CTNND2: variants seen among roughly 807,000 people sequenced by gnomAD.
The protein encoded by CTNND2 is catenin delta-2.
Under a neutral mutation model 144.4 loss-of-function variants are expected in CTNND2, and 22 were observed. The ratio of observed to expected loss-of-function variants is 0.15; its 90% CI spans 0.11 to 0.22. The LOEUF (loss-of-function observed/expected upper bound fraction) is 0.22. CTNND2 is among the 10% of genes least tolerant of loss of function. The pLI is 1.00. For missense variants in CTNND2, 1,353 were observed against 1,618.8 expected, an observed-to-expected ratio of 0.84 and a Z score of 2.82; for synonymous variants, 751 against 695.6, an observed-to-expected ratio of 1.08 and a Z score of -1.25.
At chr5:11,037,321 T>C (rs1295280992) in intron 16 of CTNND2, among the ~76,000 whole-genome samples, 1 of 152,194 alleles carries the variant, frequency 6.6e-6, no homozygotes, top group Non-Finnish European at 1.5e-5. Flanking sequence ...CACACGATCC[T>C]AAATACCCCT....
chr5:11,295,468 A>G (rs113781390), intron 9 of CTNND2, among the ~76,000 whole-genome samples: 1 of 152,174 alleles, frequency 6.6e-6, no homozygotes, highest in East Asian at 1.9e-4. Flanking sequence ...TCTTCACAGA[A>G]TTGGAAAAAA....
intron 2 of CTNND2, among the ~76,000 whole-genome samples, chr5:11,566,970 G>C (rs138572998): frequency 2.6e-5 from 4 of 152,238 alleles, no homozygotes; most frequent in Non-Finnish European, 4.4e-5. Flanking sequence ...TTATGGTGCA[G>C]TTCTTTGGGT....
intron 9 of CTNND2, among the ~76,000 whole-genome samples, chr5:11,254,705 T>G (rs542367031): frequency 2.4e-4 from 37 of 152,354 alleles, no homozygotes; most frequent in African/African-American, 7.7e-4. Context: ...TCAAGAAGTA[T>G]GAAATGTATA....
chr5:11,261,897 T>C (rs1236867884), intron 9 of CTNND2, among the ~76,000 whole-genome samples: 1 of 152,240 alleles, frequency 6.6e-6, no homozygotes, highest in African/African-American at 2.4e-5. Context: ...CAATGACTAC[T>C]CAGCCCAGTG....
chr5:11,714,782 G>GCA (rs1786257651), intron 2 of CTNND2, among the ~76,000 whole-genome samples: 1 of 151,840 alleles, frequency 6.6e-6, no homozygotes, highest in Non-Finnish European at 1.5e-5. Context: ...GGTGGCAGGT[G>GCA]CCTGTAGTCC....
chr5:11,771,304 A>G (rs1789920957), intron 1 of CTNND2, among the ~76,000 whole-genome samples: 1 of 139,342 alleles, frequency 7.2e-6, no homozygotes. Flanking sequence ...TTGTATTTTT[A>G]GCAGAGGCGG....
chr5:11,509,305 G>A (rs1246857682), intron 3 of CTNND2, among the ~76,000 whole-genome samples: 1 of 152,158 alleles, frequency 6.6e-6, no homozygotes, highest in Admixed American at 6.5e-5. Flanking sequence ...CTTATAAAAG[G>A]TGCCTATAAA....
Position 11,250,491 on chromosome 5 carries a change from C to CTATATATATA in CTNND2, c.1629-13678_1629-13669dup, listed in dbSNP as rs1285130441. On this transcript the variant is annotated intron_variant, in intron 9 of 21. Coordinates refer to ENST00000304623, the MANE Select transcript of CTNND2 (RefSeq NM_001332.4). ...TCTCTCTCTCTCTCTCTCTCTCTCT[C>CTATATATATA]TATATATATATATATATATATACAT... Among the ~76,000 whole-genome samples the CTATATATATA allele has an allele frequency of 1.6e-4, 10 of 64,096 alleles. No individual in the cohort carries two copies. In the South Asian group the frequency reaches 2.9e-3, roughly 19 times the overall value. The allele number at this position is 64,096 out of a possible 152,430, so 42.0% of individuals were successfully genotyped here.
intron 2 of CTNND2, among the ~76,000 whole-genome samples, chr5:11,723,373 T>C (rs1352964714): frequency 6.6e-6 from 1 of 152,092 alleles, no homozygotes; most frequent in African/African-American, 2.4e-5. Context: ...AGGTTGTTTA[T>C]AGAAAAAATT....
intron 2 of CTNND2, among the ~76,000 whole-genome samples, chr5:11,723,421 C>T (rs569516940): frequency 6.6e-6 from 1 of 152,088 alleles, no homozygotes; most frequent in African/African-American, 2.4e-5. Context: ...TCAATGGGCA[C>T]ATTCTGAAGC....
intron 3 of CTNND2, among the ~76,000 whole-genome samples, chr5:11,447,868 T>A (rs1184205169): frequency 1.3e-5 from 2 of 152,218 alleles, no homozygotes; most frequent in African/African-American, 4.8e-5. Context: ...TGTGATCACA[T>A]CCCATGAATC....
chr5:11,412,000 GAAGTGT>G, intron 4 of CTNND2, 29 bp downstream of exon 4: 1 of 1,552,850 alleles, frequency 6.4e-7, no homozygotes, highest in East Asian at 2.2e-5. Flanking sequence ...GATATGTTTA[GAAGTGT>G]AAGTGTTCAT....
intron 9 of CTNND2, among the ~76,000 whole-genome samples, chr5:11,275,191 C>T (rs892667224): frequency 2.6e-5 from 4 of 152,140 alleles, no homozygotes; most frequent in African/African-American, 9.7e-5. Context: ...TATGGGGTAG[C>T]GGCTACTAAT....
At chr5:11,474,672 G>A (rs1767552853) in intron 3 of CTNND2, among the ~76,000 whole-genome samples, 1 of 152,102 alleles carries the variant, frequency 6.6e-6, no homozygotes, top group Admixed American at 6.5e-5. Context: ...TGTGAATACT[G>A]GATAGGAAAA....
At chr5:11,779,782 GTTTAATGTATTAAA>G (rs1170986483) in intron 1 of CTNND2, among the ~76,000 whole-genome samples, 6 of 152,158 alleles carry the variant, frequency 3.9e-5, no homozygotes, top group African/African-American at 1.4e-4. Flanking sequence ...AAATAGTTCA[GTTTAATGTATTAAA>G]TTTCCAGCAA....
At chr5:11,743,631 G>A (rs1788143594) in intron 1 of CTNND2, among the ~76,000 whole-genome samples, 1 of 152,196 alleles carries the variant, frequency 6.6e-6, no homozygotes, top group Admixed American at 6.5e-5. Context: ...GCAGGAGGCA[G>A]AGGAATTTCA....
At chr5:11,822,653 T>C (rs1310391782) in intron 1 of CTNND2, among the ~76,000 whole-genome samples, 1 of 152,106 alleles carries the variant, frequency 6.6e-6, no homozygotes, top group Non-Finnish European at 1.5e-5. Flanking sequence ...CTAGTGCTGT[T>C]TGACTTTCAC....
intron 11 of CTNND2, among the ~76,000 whole-genome samples, chr5:11,164,238 A>G (rs1759077002): frequency 6.6e-6 from 1 of 152,032 alleles, no homozygotes; most frequent in Non-Finnish European, 1.5e-5. Flanking sequence ...CCTTAGTCAT[A>G]CCTGCAAAGT....
chr5:11,717,627 G>A (rs1315885589), intron 2 of CTNND2, among the ~76,000 whole-genome samples: 1 of 151,902 alleles, frequency 6.6e-6, no homozygotes, highest in Non-Finnish European at 1.5e-5. Context: ...AAAGGAAAGA[G>A]GTTTAATGGA....
Sources: allele counts gnomAD v4.1 joint callset (sites outside exome capture counted in the v4.1 genomes callset), GRCh38; gene constraint gnomAD v4.1.1; transcripts MANE v1.5; gene names NCBI Gene and HGNC (gene_info 2026-07-23, HGNC 2026-07-21).